RUSF1: variants seen among roughly 807,000 people sequenced by gnomAD.
RUSF1 encodes RUS family member 1, also known as RUS1 family protein C16orf58.
Under a neutral mutation model 63.0 loss-of-function variants are expected in RUSF1, and 58 were observed. The ratio of observed to expected loss-of-function variants is 0.92; its 90% CI spans 0.75 to 1.15. The LOEUF is 1.15. Among genes scored for constraint, RUSF1 ranks in the 50% most tolerant of loss-of-function variants. The pLI, the probability that RUSF1 is intolerant of heterozygous loss-of-function variation, is 0.00. For missense variants in RUSF1, 652 were observed against 611.0 expected, an observed-to-expected ratio of 1.07 and a Z score of -0.71; for synonymous variants, 274 against 255.8, an observed-to-expected ratio of 1.07 and a Z score of -0.68.
chr16:31,490,633 A>T lies in RUSF1; in HGVS notation c.*202T>A. 1 of 1,181,028 alleles carries T rather than the reference A, an allele frequency of 8.5e-7. No homozygotes were observed. The highest frequency in any genetic ancestry group is 1.2e-6 in the Non-Finnish European group (1 of 811,758). 73.2% of individuals were successfully genotyped at this position (1,181,028 alleles called of 1,614,324 possible). A position where few individuals can be genotyped will look rare whatever the true frequency, so the allele number is the denominator to read the frequency against. On this transcript the variant is annotated 3_prime_UTR_variant, in exon 13 of 13. Transcript: ENST00000327237. ...GAAAAGGGGAAGGGGCAGTGGGGTGAGAAGGTCCTGGCTCCCCTTCTCCCG... is the reference window on the plus strand; with the variant it reads ...GAAAAGGGGAAGGGGCAGTGGGGTGTGAAGGTCCTGGCTCCCCTTCTCCCG...
At chr16:31,491,949 G>A (rs2082571619) in intron 12 of RUSF1, 60 bp downstream of exon 12, 5 of 1,569,052 alleles carry the variant, frequency 3.2e-6, no homozygotes, top group Non-Finnish European at 4.4e-6. Flanking sequence ...AGTGGGGGAA[G>A]GCGGGGCCCC....
At chr16:31,497,026 A>G in intron 5 of RUSF1, 76 bp from the exon 6 acceptor site, 2 of 1,251,780 alleles carry the variant, frequency 1.6e-6, no homozygotes, top group Non-Finnish European at 2.2e-6. Flanking sequence ...CAGCTGGAGA[A>G]AACCTGGCCC....
chr16:31,490,143 G>T lies in RUSF1; in HGVS notation c.*692C>A, dbSNP rs775983861. 1.2e-6 allele frequency: 2 copies of T among 1,614,124 alleles called. No homozygotes were observed. The highest frequency in any genetic ancestry group is 1.7e-6 in the Non-Finnish European group (2 of 1,180,040). Reference sequence around the variant, plus strand: ...CTTCAGTCTCCGGCATAGCAAGGAGGAACGGGAGGACCTGGATGCTGATGA... The same window carrying T: ...CTTCAGTCTCCGGCATAGCAAGGAGTAACGGGAGGACCTGGATGCTGATGA... On this transcript the variant is annotated 3_prime_UTR_variant, in exon 13 of 13. Transcript: ENST00000327237.
At position 31,493,889 on chromosome 16, in the gene RUSF1, G is replaced by A; in HGVS notation, c.750C>T (p.Leu250=). ...LAGLLVSLLM[L]PLVSGCPGFS... is the part of the protein sequence containing the mutation. Reference sequence around the variant, plus strand: ...ACCCAGGGCAACCTGACACCAGAGGGAGCATCAGGAGGCTGACCAAGAGCC... The same window carrying A: ...ACCCAGGGCAACCTGACACCAGAGGAAGCATCAGGAGGCTGACCAAGAGCC... The change falls in exon 7 of 13, where the codon CTC becomes CTT. Residue 250 remains leucine (L), a synonymous_variant. Coordinates refer to ENST00000327237, the MANE Select transcript of RUSF1 (RefSeq NM_022744.4). 3.1e-6 allele frequency: 5 copies of A among 1,614,180 alleles called. No homozygotes were observed. The highest frequency in any genetic ancestry group is 4.2e-6 in the Non-Finnish European group (5 of 1,180,038).
At chr16:31,504,954 C>T (rs555571991) in intron 2 of RUSF1, among the ~76,000 whole-genome samples, 15 of 152,148 alleles carry the variant, frequency 9.9e-5, no homozygotes, top group Non-Finnish European at 2.1e-4. Context: ...TGCCATTCTC[C>T]ATTCTCGATT....
chr16:31,507,981 C>T, intron 1 of RUSF1, 93 bp downstream of exon 1: 1 of 1,538,280 alleles, frequency 6.5e-7, no homozygotes, highest in Non-Finnish European at 8.8e-7. Flanking sequence ...GTCAGACCCC[C>T]CGCCCCCCGG....
At chr16:31,506,962 A>C (rs1162891063) in intron 2 of RUSF1, among the ~76,000 whole-genome samples, 1 of 152,238 alleles carries the variant, frequency 6.6e-6, no homozygotes, top group Non-Finnish European at 1.5e-5. Flanking sequence ...AGAGAGGCTC[A>C]CAAGGGATGT....
Position 31,508,218 on chromosome 16 carries a change from A to C in RUSF1, c.156T>G (p.Pro52=), listed in dbSNP as rs369829351. The C allele has an allele frequency of 3.2e-6, 5 of 1,564,710 alleles. No individual in the cohort carries two copies. The highest frequency in any genetic ancestry group is 2.6e-6 in the Non-Finnish European group (3 of 1,154,886). Reference sequence around the variant, plus strand: ...CCACTTCGCCCGCATCTCGTCCTTCAGGTTTGACCGTGAAGGCCCTGGAGA... The same window carrying C: ...CCACTTCGCCCGCATCTCGTCCTTCCGGTTTGACCGTGAAGGCCCTGGAGA... The part of the protein sequence containing the change: ...WGLSRAFTVK[P]EGRDAGEVGA... Residue 52 remains proline, a synonymous_variant, in exon 1 of 13, where the codon CCT becomes CCG. Transcript: ENST00000327237.
At position 31,490,557 on chromosome 16, in the gene RUSF1, T is replaced by A; in HGVS notation, c.*278A>T. ...CTAAGACCAACTGCGTTGGACACCA[T>A]AAGCCACAGCCTCACAGGAAGTGGG... On this transcript the variant is annotated 3_prime_UTR_variant, in exon 13 of 13. Coordinates refer to ENST00000327237, the MANE Select transcript of RUSF1 (RefSeq NM_022744.4). The A allele has an allele frequency of 1.3e-6, 2 of 1,574,958 alleles. No homozygotes were observed. The highest frequency in any genetic ancestry group is 1.7e-6 in the Non-Finnish European group (2 of 1,151,160).
chr16:31,492,169 T>C (rs1455821828), intron 11 of RUSF1, 28 bp downstream of exon 11: 2 of 1,610,698 alleles, frequency 1.2e-6, no homozygotes, highest in Non-Finnish European at 1.7e-6. Flanking sequence ...CCCTGAGGCA[T>C]CAGCAGTCTA....
Position 31,507,774 on chromosome 16 carries a change from C to A in RUSF1, c.405G>T (p.Trp135Cys). Residue 135 changes from tryptophan (W) to cysteine (C), a missense_variant, in exon 2 of 13, where the codon TGG (tryptophan) becomes TGT (cysteine). Transcript: ENST00000327237. ...AGGGGTGCAGCTCACCTTTCACGAG[C>A]CAGGTGGCCGTGGCAGCTGAAACAG... ...KATVSAATAT[W>C]LVKDSTGMLG... 6.4e-7 allele frequency: 1 copy of A among 1,566,656 alleles called. No individual in the cohort carries two copies.
intron 6 of RUSF1, among the ~76,000 whole-genome samples, chr16:31,496,249 T>TG (rs1461677209): frequency 6.6e-6 from 1 of 152,154 alleles, no homozygotes; most frequent in Admixed American, 6.6e-5. Flanking sequence ...TATGTAGAGA[T>TG]GGGGTCTCGC....
chr16:31,508,301 G>A lies in RUSF1; in HGVS notation c.73C>T (p.Arg25Cys), dbSNP rs2082673592. Reference protein sequence around the residue: ...QFGSGEARGCRAAADGSLQWE... With the variant: ...QFGSGEARGCCAAADGSLQWE... ...TGCAGGCTCCCGTCCGCGGCGGCGC[G>A]GCAGCCCCGTGCCTCCCCGGAGCCG... Residue 25 changes from arginine to cysteine, a missense_variant, in exon 1 of 13, where the codon CGC becomes TGC. Physicochemically the swap from Arg to Cys is radical, Grantham distance 180. Coordinates refer to ENST00000327237, the MANE Select transcript of RUSF1 (RefSeq NM_022744.4). The A allele has an allele frequency of 1.9e-6, 3 of 1,576,730 alleles. No homozygotes were observed. Among genetic ancestry groups the A allele is most frequent in the Admixed American group, 1.8e-5 (1 of 54,822 alleles).
At chr16:31,500,057 G>A (rs1017093958) in intron 3 of RUSF1, among the ~76,000 whole-genome samples, 2 of 152,130 alleles carry the variant, frequency 1.3e-5, no homozygotes, top group African/African-American at 2.4e-5. Flanking sequence ...ACACAACACC[G>A]TGGACGGCTA....
In RUSF1 at chr16:31,492,026, A is replaced by G. The variant is rs950386642; in HGVS notation, c.1292T>C (p.Phe431Ser). 1 of 1,614,034 alleles carries G rather than the reference A, an allele frequency of 6.2e-7. No individual in the cohort carries two copies. Among genetic ancestry groups the G allele is most frequent in the African/African-American group, 1.3e-5 (1 of 74,934 alleles). ...KETHEVLDML[F>S]PKFLKGLQDA... ...GATGTTACCTTTCAAGAACTTTGGGAACAGCATGTCCAACACTTCGTGTGT... is the reference window on the plus strand; with the variant it reads ...GATGTTACCTTTCAAGAACTTTGGGGACAGCATGTCCAACACTTCGTGTGT... The change falls in exon 12 of 13, where the codon TTC becomes TCC. Residue 431 changes from phenylalanine (F) to serine (S), a missense_variant. Transcript: ENST00000327237.
At chr16:31,495,199 G>A (rs992638138) in intron 6 of RUSF1, among the ~76,000 whole-genome samples, 5 of 152,140 alleles carry the variant, frequency 3.3e-5, no homozygotes, top group Non-Finnish European at 7.4e-5. Context: ...CTCATCATGA[G>A]GGAGGAGTCT....
chr16:31,508,091 G>A lies in RUSF1; in HGVS notation c.283C>T (p.Leu95=). Reference sequence around the variant, plus strand: ...GAGCTGACCTGCACGGAATCCCACAGCTGGTAGGGCAAGTAGTCCGGGCTG... The same window carrying A: ...GAGCTGACCTGCACGGAATCCCACAACTGGTAGGGCAAGTAGTCCGGGCTG... ...SVSPDYLPYQ[L]WDSVQAFASS... Residue 95 remains leucine, a synonymous_variant, in exon 1 of 13, where the codon CTG becomes TTG. Transcript: ENST00000327237. The A allele has an allele frequency of 1.2e-6, 2 of 1,605,052 alleles. No homozygotes were observed. The highest frequency in any genetic ancestry group is 1.7e-6 in the Non-Finnish European group (2 of 1,176,320).
At position 31,496,948 on chromosome 16, in the gene RUSF1, G is replaced by T; in HGVS notation, c.603C>A (p.Cys201Ter). The T allele has an allele frequency of 6.2e-7, 1 of 1,602,840 alleles. No homozygotes were observed. The change falls in exon 6 of 13, where the codon TGC becomes TGA. Residue 201 changes from cysteine to a stop codon, truncating the protein, a stop_gained and splice_region_variant. Transcript: ENST00000327237. LOFTEE classifies it high-confidence loss of function. ...TGGCCCCACCAGCAACACTCACGAT[G>T]CACTGGGTGGGAGGGGAAGAGAGAA... ...MTVSTSNLAK[C>*]IVSVAGGATR...
At chr16:31,507,330 A>G (rs1400868149) in intron 2 of RUSF1, among the ~76,000 whole-genome samples, 1 of 152,226 alleles carries the variant, frequency 6.6e-6, no homozygotes, top group Non-Finnish European at 1.5e-5. Flanking sequence ...GGTATCCCAG[A>G]GCATACACAA....
Sources: gnomAD v4.1 joint callset for allele counts (sites outside exome capture counted in the v4.1 genomes callset) on GRCh38, gnomAD v4.1.1 for gene constraint, MANE v1.5 for transcripts, NCBI Gene and HGNC (gene_info 2026-07-23, HGNC 2026-07-21) for gene names.